The following CEP350 variants were observed in gnomAD, a reference collection of about 807,000 sequenced individuals.
CEP350 encodes the protein centrosomal protein 350, also known as centrosome-associated protein 350.
A neutral mutation model predicts 331.8 loss-of-function variants in CEP350; 126 were observed. The observed-to-expected ratio is 0.38, with a 90% CI of 0.33 to 0.44. The LOEUF is 0.44. Ranked by LOEUF, CEP350 falls within the 20% of genes least tolerant of loss-of-function variation. CEP350 has a pLI of 1.00. For missense variants in CEP350, 3,406 were observed against 3,634.6 expected, an observed-to-expected ratio of 0.94 and a Z score of 1.62; for synonymous variants, 1,200 against 1,259.5, an observed-to-expected ratio of 0.95 and a Z score of 1.00.
rs562643536 is a variant in CEP350 at position 179,968,251 on chromosome 1, A to G, written c.-14+13109A>G. ...GAGGCTGAGGCAAGAGAATCGCTTG[A>G]TCCCGGGAGGTAGAGGTTGCAGTGA... On this transcript the variant is annotated intron_variant, in intron 1 of 37. Transcript: ENST00000367607. Among the ~76,000 whole-genome samples, 29 of 151,486 alleles carry G rather than the reference A, an allele frequency of 1.9e-4. No homozygotes were observed. In the South Asian group the frequency reaches 5.6e-3, roughly 29 times the overall value.
rs142459768 is a variant in CEP350 at position 180,022,772 on chromosome 1, G to T, written c.3310G>T (p.Val1104Phe). The T allele has an allele frequency of 3.7e-6, 6 of 1,608,728 alleles. No individual in the cohort carries two copies. Among genetic ancestry groups the T allele is most frequent in the Non-Finnish European group, 5.1e-6 (6 of 1,177,266 alleles). The change falls in exon 13 of 38, where the codon GTT becomes TTT. Residue 1104 changes from valine (V) to phenylalanine (F), a missense_variant. Val to Phe is a conservative substitution (Grantham distance 50). Around this residue, in one of 5 missense-constraint regions of CEP350, gnomAD observed 1,857 missense variants for 1,909.2 expected, o/e 0.97. Transcript: ENST00000367607. The stretch of plus-strand genomic sequence containing the variant: ...TGCCACCGCAACTCCTCTAAGTGGT[G>T]TTTCATATGAAGATGATTTTGTCTC... ...LNATATPLSG[V>F]SYEDDFVSSP... is the part of the protein sequence containing the mutation.
At chr1:179,959,814 A>T (rs1009424538) in intron 1 of CEP350, among the ~76,000 whole-genome samples, 15 of 142,052 alleles carry the variant, frequency 1.1e-4, no homozygotes, top group Middle Eastern at 3.5e-3. Flanking sequence ...AGGAAAATCT[A>T]TAATAAATAT....
chr1:180,050,535 C>T (rs940898978), intron 22 of CEP350, among the ~76,000 whole-genome samples: 3 of 151,722 alleles, frequency 2.0e-5, no homozygotes, highest in African/African-American at 2.4e-5. Flanking sequence ...TGGTGGTATG[C>T]GCCTGTAGTC....
In CEP350 at chr1:180,095,622, C is replaced by G. The variant is rs767036312; in HGVS notation, c.8611C>G (p.Gln2871Glu). The change falls in exon 35 of 38, where the codon CAA (glutamine) becomes GAA (glutamate). Residue 2871 changes from glutamine (Q) to glutamate (E), a missense_variant. Around this residue, in one of 5 missense-constraint regions of CEP350, gnomAD observed 1,415 missense variants for 1,512.3 expected, o/e 0.94. Transcript: ENST00000367607. ...REFLSALGDD[Q>E]DWFDEDFGLS... ...GTTCCTGAGCGCGTTAGGAGATGATCAAGACTGGTTTGATGAAGACTTTGG... is the reference window on the plus strand; with the variant it reads ...GTTCCTGAGCGCGTTAGGAGATGATGAAGACTGGTTTGATGAAGACTTTGG... The G allele has an allele frequency of 6.8e-6, 11 of 1,613,718 alleles. No individual in the cohort carries two copies. The highest frequency in any genetic ancestry group is 1.3e-5 in the African/African-American group (1 of 74,866).
chr1:179,996,337 T>A (rs2148712683), intron 5 of CEP350, among the ~76,000 whole-genome samples: 1 of 152,346 alleles, frequency 6.6e-6, no homozygotes, highest in East Asian at 1.9e-4. Context: ...AAGATTTAGC[T>A]TTAAAATTGA....
chr1:179,976,836 C>T (rs912451483), intron 1 of CEP350, among the ~76,000 whole-genome samples: 2 of 151,672 alleles, frequency 1.3e-5, no homozygotes, highest in Non-Finnish European at 2.9e-5. Flanking sequence ...TTATTTTTCC[C>T]CCGTAAGGAA....
intron 32 of CEP350, 90 bp from the exon 33 acceptor site, chr1:180,090,624 G>A: frequency 9.4e-7 from 1 of 1,069,068 alleles, no homozygotes; most frequent in Non-Finnish European, 1.2e-6. Context: ...TAGAGAAGAG[G>A]AAAGAAGCAG....
chr1:179,973,452 T>C (rs1332702710), intron 1 of CEP350, among the ~76,000 whole-genome samples: 2 of 152,228 alleles, frequency 1.3e-5, no homozygotes, highest in African/African-American at 2.4e-5. Context: ...ATCACCCTGT[T>C]CCTGTCAGTG....
chr1:179,969,988 A>C (rs1000017931), intron 1 of CEP350, among the ~76,000 whole-genome samples: 1 of 152,214 alleles, frequency 6.6e-6, no homozygotes, highest in Non-Finnish European at 1.5e-5. Context: ...CCTTGAAATT[A>C]ATTTAGAAAA....
rs537169781 is a variant in CEP350 at position 180,111,342 on chromosome 1, C to T, written c.*181C>T. On this transcript the variant is annotated 3_prime_UTR_variant, in exon 38 of 38. Transcript: ENST00000367607. The stretch of plus-strand genomic sequence containing the variant: ...ACCTGGTATTACAGCCTTTGCCTTT[C>T]GAGACTATCCACTGGATTAATGGGT... 47 of 662,834 alleles carry T rather than the reference C, an allele frequency of 7.1e-5. No homozygotes were observed. Among genetic ancestry groups the T allele is most frequent in the South Asian group, 2.4e-4 (11 of 45,140 alleles). 41.1% of individuals were successfully genotyped at this position (662,834 alleles called of 1,614,324 possible). A position where few individuals can be genotyped will look rare whatever the true frequency, so the allele number is the denominator to read the frequency against.
In CEP350 at chr1:180,073,718, G is replaced by A. The variant is rs1455444508; in HGVS notation, c.5568-1304G>A. ...TAAAAGTTCTTCACTCAGCTCTTAC[G>A]CTTTCCCTTTCTCATTCTTCCTGCC... On this transcript the variant is annotated intron_variant, in intron 27 of 37. Transcript: ENST00000367607. The A allele has an allele frequency of 7.3e-6, 9 of 1,226,426 alleles. No homozygotes were observed. In the East Asian group the frequency reaches 1.7e-4, roughly 23 times the overall value. The allele number at this position is 1,226,426 out of a possible 1,614,324, so 76.0% of individuals were successfully genotyped here. A position where few individuals can be genotyped will look rare whatever the true frequency, so the allele number is the denominator to read the frequency against.
chr1:180,020,697 C>T lies in CEP350; in HGVS notation c.2923C>T (p.Leu975Phe), dbSNP rs1558106129. The part of the protein sequence containing the change: ...ACSQDKAKIS[L>F]GSSIDSVSEG... The stretch of plus-strand genomic sequence containing the variant: ...TTCTCAAGACAAAGCCAAAATATCT[C>T]TTGGTTCCAGCATAGATTCAGTCAG... Residue 975 changes from leucine (L) to phenylalanine (F), a missense_variant, in exon 12 of 38, where the codon CTT becomes TTT. Transcript: ENST00000367607. 4 of 1,613,980 alleles carry T rather than the reference C, an allele frequency of 2.5e-6. No individual in the cohort carries two copies. The highest frequency in any genetic ancestry group is 8.5e-7 in the Non-Finnish European group (1 of 1,179,860).
chr1:180,098,842 G>A, intron 36 of CEP350, 21 bp from the exon 37 acceptor site: 1 of 1,605,708 alleles, frequency 6.2e-7, no homozygotes, highest in Non-Finnish European at 8.5e-7. Flanking sequence ...TGTGTTTCGT[G>A]TATTTGTCTT....
At chr1:180,091,425 A>AT (rs1445663579) in intron 33 of CEP350, among the ~76,000 whole-genome samples, 1 of 152,102 alleles carries the variant, frequency 6.6e-6, no homozygotes, top group African/African-American at 2.4e-5. Flanking sequence ...GCATCTCTGA[A>AT]TTTCCCCTAA....
At position 180,079,106 on chromosome 1, in the gene CEP350, T is replaced by C. The variant is rs577543445; in HGVS notation, c.5979+432T>C. Among the ~76,000 whole-genome samples the C allele has an allele frequency of 7.2e-5, 11 of 152,212 alleles. No individual in the cohort carries two copies. The South Asian group carries it at 1.9e-3, about 26-fold the overall frequency. On this transcript the variant is annotated intron_variant, in intron 29 of 37. Transcript: ENST00000367607. ...CTTAAAGGCAGCTCTGAAACAGTTA[T>C]TGATTTTAAATTAAGATGATGGCCA...
intron 21 of CEP350, among the ~76,000 whole-genome samples, chr1:180,044,802 A>C (rs535115821): frequency 6.6e-6 from 1 of 151,678 alleles, no homozygotes; most frequent in Non-Finnish European, 1.5e-5. Context: ...CATTGTGCAC[A>C]TGTACCCTAA....
Position 180,043,489 on chromosome 1 carries a change from A to G in CEP350, c.4499+297A>G, listed in dbSNP as rs1656905630. ...GGTCAGAGAAGGCTTTCCTGAGGAA[A>G]TAAAGCTTGTGGTGCAATCTAATGG... is the stretch of plus-strand genomic sequence containing the variant. On this transcript the variant is annotated intron_variant, in intron 20 of 37. Coordinates refer to ENST00000367607, the MANE Select transcript of CEP350 (RefSeq NM_014810.5). Among the ~76,000 whole-genome samples, 3 of 152,214 alleles carry G rather than the reference A, an allele frequency of 2.0e-5. No homozygotes were observed. In the South Asian group the frequency reaches 6.2e-4, roughly 32 times the overall value.
Position 180,111,375 on chromosome 1 carries a change from A to G in CEP350, c.*214A>G. 3.6e-6 allele frequency: 2 copies of G among 550,400 alleles called. No individual in the cohort carries two copies. The highest frequency in any genetic ancestry group is 4.9e-5 in the South Asian group (2 of 40,594). The allele number at this position is 550,400 out of a possible 1,614,324, so 34.1% of individuals were successfully genotyped here. Reference sequence around the variant, plus strand: ...TCCACTGGATTAATGGGTTATTTTCAGTGGGCAGGGTTGCACAGTGTAATC... The same window carrying G: ...TCCACTGGATTAATGGGTTATTTTCGGTGGGCAGGGTTGCACAGTGTAATC... On this transcript the variant is annotated 3_prime_UTR_variant, in exon 38 of 38. Coordinates refer to ENST00000367607, the MANE Select transcript of CEP350 (RefSeq NM_014810.5).
Position 180,095,528 on chromosome 1 carries a change from C to G in CEP350, c.8517C>G (p.Ser2839Arg), listed in dbSNP as rs1472153798. Residue 2839 changes from serine (S) to arginine (R), a missense_variant, in exon 35 of 38, where the codon AGC (serine) becomes AGG (arginine). Physicochemically the swap from Ser to Arg is moderately radical, Grantham distance 110. Coordinates refer to ENST00000367607, the MANE Select transcript of CEP350 (RefSeq NM_014810.5). ...SSPDMCPRPE[S>R]PVFGASGQEE... ...GAATGGTTCCATTTCTATAGGAGAG[C>G]CCAGTATTTGGTGCCAGTGGGCAGG... The G allele has an allele frequency of 1.9e-6, 3 of 1,613,210 alleles. No homozygotes were observed. Among genetic ancestry groups the G allele is most frequent in the Admixed American group, 1.7e-5 (1 of 59,942 alleles).
Sources: gnomAD v4.1 joint callset for allele counts (sites outside exome capture counted in the v4.1 genomes callset) on GRCh38, gnomAD v4.1.1 for gene constraint, gnomAD v4.1.1 regional missense constraint, MANE v1.5 for transcripts, NCBI Gene and HGNC (gene_info 2026-07-23, HGNC 2026-07-21) for gene names.